NR2C2: variants seen among roughly 807,000 people sequenced by gnomAD.
NR2C2 encodes Nuclear hormone receptor TR4.
Under a neutral mutation model 62.9 loss-of-function variants are expected in NR2C2, and 6 were observed. The ratio of observed to expected loss-of-function variants is 0.10; its 90% CI spans 0.05 to 0.19. The LOEUF is 0.19. NR2C2 is among the 10% of genes least tolerant of loss of function. The pLI, the probability that NR2C2 is intolerant of heterozygous loss-of-function variation, is 1.00. For synonymous variants in NR2C2, 272 were observed against 273.8 expected (o/e 0.99, Z 0.07); for missense variants, 479 against 762.7 (o/e 0.63, Z 4.38).
At chr3:14,958,522 A>G (rs1403465682) in intron 1 of NR2C2, among the ~76,000 whole-genome samples, 2 of 152,180 alleles carry the variant, frequency 1.3e-5, no homozygotes, top group African/African-American at 4.8e-5. Context: ...TGTTCTGTCC[A>G]CAGTGGTTGT....
At chr3:15,023,960 G>A (rs1007552038) in intron 6 of NR2C2, among the ~76,000 whole-genome samples, 155 bp from the exon 7 acceptor site, 2 of 152,222 alleles carry the variant, frequency 1.3e-5, no homozygotes, top group Non-Finnish European at 2.9e-5. Flanking sequence ...AGACAGGGGT[G>A]GGGGTTCTGC....
intron 2 of NR2C2, among the ~76,000 whole-genome samples, chr3:15,008,376 G>T (rs2041252809): frequency 6.6e-6 from 1 of 151,916 alleles, no homozygotes; most frequent in Non-Finnish European, 1.5e-5. Flanking sequence ...ACAAAAATTA[G>T]CCAGGCGTGC....
chr3:14,976,156 G>T (rs927715155), intron 1 of NR2C2, among the ~76,000 whole-genome samples: 45 of 152,206 alleles, frequency 3.0e-4, no homozygotes, highest in African/African-American at 1.1e-3. Context: ...GTTATCCAGT[G>T]TGTCAGTGTG....
In NR2C2 at chr3:15,007,326, A is replaced by C. The variant is rs541537402; in HGVS notation, c.72+3340A>C. 2.4e-3 allele frequency among the ~76,000 whole-genome samples: 362 copies of C among 150,178 alleles called. 3 individuals carry two copies. Among genetic ancestry groups the C allele is most frequent in the African/African-American group, 8.5e-3 (347 of 40,742 alleles). ...ATATTTTTAGTAGGGACGGGGTTTC[A>C]CCATGTTAGACAGGATGGTCTCGGT... is the stretch of plus-strand genomic sequence containing the variant. On this transcript the variant is annotated intron_variant, in intron 2 of 13. Coordinates refer to ENST00000425241, the MANE Select transcript of NR2C2 (RefSeq NM_001291694.2).
At chr3:14,972,532 G>A (rs1425911942) in intron 1 of NR2C2, among the ~76,000 whole-genome samples, 2 of 152,176 alleles carry the variant, frequency 1.3e-5, no homozygotes, top group South Asian at 4.1e-4. Flanking sequence ...GTCTATTCAA[G>A]TACTTTCCCA....
chr3:14,954,321 TTC>T (rs2039461981), intron 1 of NR2C2, among the ~76,000 whole-genome samples: 1 of 152,122 alleles, frequency 6.6e-6, no homozygotes. Flanking sequence ...ACAATGTACT[TTC>T]TCGAGAATAA....
chr3:14,989,959 G>A (rs1002490404), intron 1 of NR2C2, among the ~76,000 whole-genome samples: 1 of 148,056 alleles, frequency 6.8e-6, no homozygotes, highest in African/African-American at 2.5e-5. Flanking sequence ...AAAAATTACT[G>A]GGTGTGGTGG....
chr3:14,983,672 C>T (rs1463272246), intron 1 of NR2C2, among the ~76,000 whole-genome samples: 3 of 152,052 alleles, frequency 2.0e-5, no homozygotes, highest in African/African-American at 7.2e-5. Context: ...TCCTTAAATG[C>T]TTATAGAACA....
At chr3:14,968,722 C>T in intron 1 of NR2C2, among the ~76,000 whole-genome samples, 1 of 142,456 alleles carries the variant, frequency 7.0e-6, no homozygotes, top group Non-Finnish European at 1.5e-5. Context: ...ATAGCAAAGA[C>T]TTGGACCCAA....
intron 10 of NR2C2, chr3:15,034,428 T>A (rs2042054848): frequency 2.3e-6 from 1 of 437,142 alleles, no homozygotes; most frequent in Admixed American, 3.9e-5. Flanking sequence ...TTAACATTTT[T>A]TTATTATTTA....
intron 13 of NR2C2, 34 bp from the exon 14 acceptor site, chr3:15,042,800 C>G (rs750405971): frequency 5.0e-6 from 8 of 1,597,910 alleles, no homozygotes; most frequent in Non-Finnish European, 6.8e-6. Context: ...GGGCATCAAA[C>G]AGTCTCCTTT....
At chr3:15,036,801 A>C (rs1331019021) in intron 11 of NR2C2, among the ~76,000 whole-genome samples, 3 of 152,222 alleles carry the variant, frequency 2.0e-5, no homozygotes, top group African/African-American at 7.2e-5. Flanking sequence ...TTTCCTTGGA[A>C]TAGTTACATA....
chr3:15,015,397 G>A (rs976281173), intron 3 of NR2C2, among the ~76,000 whole-genome samples: 3 of 152,182 alleles, frequency 2.0e-5, no homozygotes, highest in Non-Finnish European at 4.4e-5. Context: ...GGTTTCAAAG[G>A]TCATTTGTTC....
At chr3:14,986,834 G>GT (rs1198951879) in intron 1 of NR2C2, among the ~76,000 whole-genome samples, 1 of 152,236 alleles carries the variant, frequency 6.6e-6, no homozygotes, top group Non-Finnish European at 1.5e-5. Flanking sequence ...CAGGGAAATT[G>GT]TTAATAGGAG....
chr3:15,041,251 T>A (rs2042255970), intron 13 of NR2C2, among the ~76,000 whole-genome samples: 1 of 152,214 alleles, frequency 6.6e-6, no homozygotes, highest in Non-Finnish European at 1.5e-5. Flanking sequence ...TCCCCATCCT[T>A]GTGCCTTTTC....
At chr3:14,988,763 C>T (rs13070415) in intron 1 of NR2C2, among the ~76,000 whole-genome samples, 69,687 of 151,752 alleles carry the variant, frequency 0.46, 18,017 homozygotes, top group East Asian at 0.67. Flanking sequence ...TTTTAGATAG[C>T]GGTGCCTGGG....
At chr3:14,992,204 T>C (rs2040692371) in intron 1 of NR2C2, among the ~76,000 whole-genome samples, 1 of 152,076 alleles carries the variant, frequency 6.6e-6, no homozygotes, top group Admixed American at 6.6e-5. Context: ...AAAACCCTGC[T>C]GCCAAAGCAA....
chr3:15,030,247 C>A, intron 8 of NR2C2, 28 bp from the exon 9 acceptor site: 2 of 1,592,336 alleles, frequency 1.3e-6, no homozygotes, highest in South Asian at 1.1e-5. Flanking sequence ...AGATTCACAA[C>A]AATTACATGC....
chr3:14,947,716 C>A lies in NR2C2; in HGVS notation c.-230C>A, dbSNP rs2039160738. 3 of 149,262 alleles carry A rather than the reference C, an allele frequency of 2.0e-5. No individual in the cohort carries two copies. Among genetic ancestry groups the A allele is most frequent in the Admixed American group, 2.0e-4 (3 of 15,014 alleles). 9.2% of individuals were successfully genotyped at this position (149,262 alleles called of 1,614,324 possible). ...GCGACCCCGGCGGCGCCCCCGGGCC[C>A]GTCCCCGCCACCCCGCTCCCACCTC... is the stretch of plus-strand genomic sequence containing the variant. On this transcript the variant is annotated 5_prime_UTR_variant, in exon 1 of 14. Transcript: ENST00000425241.
Sources: allele counts gnomAD v4.1 joint callset (sites outside exome capture counted in the v4.1 genomes callset), GRCh38; gene constraint gnomAD v4.1.1; transcripts MANE v1.5; gene names NCBI Gene and HGNC (gene_info 2026-07-23, HGNC 2026-07-21).